XKR9: variants seen among roughly 807,000 people sequenced by gnomAD.
XKR9 encodes XK related 9.
XKR9 carries 32 observed loss-of-function variants against 32.0 expected under a neutral mutation model. That is an observed-to-expected ratio of 1.00 (90% confidence interval 0.76 to 1.34). The LOEUF is 1.34. XKR9 is among the 40% of genes most tolerant of loss of function. The probability of loss-of-function intolerance (pLI) is 0.00; values close to 1 mark genes in which losing one functional copy is unlikely to be tolerated. For synonymous variants in XKR9, 168 were observed against 143.4 expected (o/e 1.17, Z -1.22); for missense variants, 546 against 429.7 (o/e 1.27, Z -2.39).
the XKR9 span, among the ~76,000 whole-genome samples, chr8:70,945,216 T>C: frequency 1.3e-5 from 2 of 152,240 alleles, no homozygotes; most frequent in African/African-American, 4.8e-5. Context: ...CTTCATGTTT[T>C]GTTATGAGTA....
chr8:70,794,450 TC>T (rs1460547241), downstream of XKR9, among the ~76,000 whole-genome samples: 2 of 152,138 alleles, frequency 1.3e-5, no homozygotes, highest in Admixed American at 1.3e-4. Flanking sequence ...CAGAAAGCTT[TC>T]AGTCTTTCAC....
At chr8:70,848,861 A>G in the XKR9 span, among the ~76,000 whole-genome samples, 1 of 152,104 alleles carries the variant, frequency 6.6e-6, no homozygotes, top group Admixed American at 6.6e-5. Flanking sequence ...GAAGGGCATT[A>G]CATAATGGTA....
At chr8:70,810,145 T>G in the XKR9 span, among the ~76,000 whole-genome samples, 243 of 152,252 alleles carry the variant, frequency 1.6e-3, 5 homozygotes, top group South Asian at 0.048. Flanking sequence ...TCAACATTGT[T>G]AAAGAAAATA....
At chr8:70,885,659 C>T in the XKR9 span, among the ~76,000 whole-genome samples, 2 of 151,910 alleles carry the variant, frequency 1.3e-5, no homozygotes, top group East Asian at 1.9e-4. Context: ...TGCAGTGGCG[C>T]GATCTCAGCT....
the XKR9 span, among the ~76,000 whole-genome samples, chr8:70,847,801 A>C: frequency 1.3e-5 from 2 of 152,060 alleles, no homozygotes; most frequent in Non-Finnish European, 2.9e-5. Flanking sequence ...TAAACCAATA[A>C]TAAATAAAAA....
intron 4 of XKR9, among the ~76,000 whole-genome samples, chr8:70,710,424 G>A (rs561466917): frequency 6.6e-6 from 1 of 152,228 alleles, no homozygotes; most frequent in South Asian, 2.1e-4. Context: ...TTGCAGGCTG[G>A]GCACTGTGGC....
At chr8:70,863,223 C>T in the XKR9 span, among the ~76,000 whole-genome samples, 2 of 151,928 alleles carry the variant, frequency 1.3e-5, no homozygotes, top group Non-Finnish European at 2.9e-5. Context: ...GAAGGAGCAG[C>T]GGAAGGAGAA....
At chr8:70,699,447 A>G (rs1256660106) in intron 3 of XKR9, among the ~76,000 whole-genome samples, 3 of 151,842 alleles carry the variant, frequency 2.0e-5, no homozygotes. Context: ...TATGAAGCTT[A>G]GTTTGTCTGG....
At chr8:71,031,598 A>T in the XKR9 span, among the ~76,000 whole-genome samples, 12 of 152,222 alleles carry the variant, frequency 7.9e-5, no homozygotes, top group African/African-American at 2.9e-4. Flanking sequence ...CATATTAGAC[A>T]TTAGTAAGGT....
the XKR9 span, among the ~76,000 whole-genome samples, chr8:70,864,068 C>G: frequency 6.6e-6 from 1 of 152,102 alleles, no homozygotes; most frequent in African/African-American, 2.4e-5. Context: ...GTTTTTAATG[C>G]AGAAATTGAA....
the XKR9 span, among the ~76,000 whole-genome samples, chr8:70,855,738 T>C: frequency 6.6e-6 from 1 of 152,246 alleles, no homozygotes; most frequent in African/African-American, 2.4e-5. Context: ...AAAGGTTGGG[T>C]TACCCACAAA....
At chr8:70,818,973 A>G in the XKR9 span, among the ~76,000 whole-genome samples, 2 of 152,352 alleles carry the variant, frequency 1.3e-5, no homozygotes, top group Admixed American at 6.5e-5. Context: ...CCGAATAGTA[A>G]TGTGCCTCTA....
At chr8:70,761,493 C>T (rs1049793346) in intron 2 of XKR9, among the ~76,000 whole-genome samples, 8 of 151,982 alleles carry the variant, frequency 5.3e-5, no homozygotes, top group African/African-American at 1.5e-4. Context: ...GATTGTTGTT[C>T]GCACGTGTCT....
intron 2 of XKR9, among the ~76,000 whole-genome samples, chr8:70,772,927 GA>G (rs1807472320): frequency 6.6e-6 from 1 of 152,116 alleles, no homozygotes; most frequent in African/African-American, 2.4e-5. Flanking sequence ...GGTTTCAGTC[GA>G]AAAGTGTTTT....
chr8:71,053,156 T>C, the XKR9 span, among the ~76,000 whole-genome samples: 1 of 152,254 alleles, frequency 6.6e-6, no homozygotes, highest in Non-Finnish European at 1.5e-5. Context: ...TTAAAAACCC[T>C]AAATTAACTT....
At chr8:70,733,719 T>C in intron 4 of XKR9, 77 bp from the exon 5 acceptor site, 1 of 1,322,866 alleles carries the variant, frequency 7.6e-7, no homozygotes, top group African/African-American at 1.5e-5. Flanking sequence ...TATATAGATA[T>C]AGCATGTATG....
At chr8:70,852,823 G>A in the XKR9 span, among the ~76,000 whole-genome samples, 1 of 152,200 alleles carries the variant, frequency 6.6e-6, no homozygotes, top group Admixed American at 6.5e-5. Flanking sequence ...ACAGGGAGGG[G>A]AAGATCACAT....
At chr8:70,790,975 C>A (rs900004593), downstream of XKR9, among the ~76,000 whole-genome samples, 1 of 152,024 alleles carries the variant, frequency 6.6e-6, no homozygotes, top group Non-Finnish European at 1.5e-5. Flanking sequence ...TATGAGGGCA[C>A]TAATCCCATT....
At chr8:71,040,025 A>G in the XKR9 span, among the ~76,000 whole-genome samples, 1 of 152,172 alleles carries the variant, frequency 6.6e-6, no homozygotes, top group Non-Finnish European at 1.5e-5. Flanking sequence ...GGTGTGGGAA[A>G]CTAGACTTAT....
Sources: allele counts gnomAD v4.1 joint callset (sites outside exome capture counted in the v4.1 genomes callset), GRCh38; gene constraint gnomAD v4.1.1; transcripts MANE v1.5; gene names NCBI Gene and HGNC (gene_info 2026-07-23, HGNC 2026-07-21).